The following LRRFIP1 variants were observed in gnomAD, a reference collection of about 807,000 sequenced individuals.
LRRFIP1 encodes the protein LRR binding FLII interacting protein 1, also known as leucine-rich repeat flightless-interacting protein 1.
A neutral mutation model predicts 104.4 loss-of-function variants in LRRFIP1; 62 were observed. The ratio of observed to expected loss-of-function variants is 0.59; its 90% CI spans 0.48 to 0.73. The LOEUF (loss-of-function observed/expected upper bound fraction) is 0.73. LRRFIP1 is among the 30% of genes least tolerant of loss of function. LRRFIP1 has a pLI of 0.00. For synonymous variants in LRRFIP1, 300 were observed against 299.0 expected (o/e 1.00, Z -0.03); for missense variants, 796 against 824.5 (o/e 0.97, Z 0.42).
intron 19 of LRRFIP1, chr2:237,769,238 A>C (rs1421334019): frequency 6.6e-6 from 1 of 152,378 alleles, no homozygotes; most frequent in African/African-American, 2.4e-5. Context: ...CCAAACCTCT[A>C]AACCCTCCCC....
In LRRFIP1 at chr2:237,707,461, G is replaced by GAA. The variant is rs112902148; in HGVS notation, c.97-1070_97-1069dup. On this transcript the variant is annotated intron_variant, in intron 1 of 23. Coordinates refer to ENST00000308482, the MANE Select transcript of LRRFIP1 (RefSeq NM_001137550.2). ...CAAGACCTCATCCCCAAAGGAAAAA[G>GAA]AAAAAAAAAAAAAAGGAAGAAAAAA... 5.9e-4 allele frequency among the ~76,000 whole-genome samples: 49 copies of GAA among 82,556 alleles called. 1 individual carries two copies. The highest frequency in any genetic ancestry group is 1.6e-3 in the African/African-American group (46 of 28,172). 54.2% of individuals were successfully genotyped at this position (82,556 alleles called of 152,430 possible).
intron 1 of LRRFIP1, among the ~76,000 whole-genome samples, chr2:237,639,041 C>T (rs989584774): frequency 5.3e-5 from 8 of 152,152 alleles, no homozygotes; most frequent in Non-Finnish European, 1.2e-4. Flanking sequence ...TCGTGTGGGG[C>T]AGTCATGGTA....
chr2:237,693,058 G>A (rs1218934380), intron 1 of LRRFIP1, among the ~76,000 whole-genome samples: 2 of 152,248 alleles, frequency 1.3e-5, no homozygotes, highest in Admixed American at 6.5e-5. Flanking sequence ...ACAGGATCCT[G>A]CCTCTAGGAT....
At chr2:237,774,721 G>A (rs548441324) in intron 23 of LRRFIP1, among the ~76,000 whole-genome samples, 5 of 152,356 alleles carry the variant, frequency 3.3e-5, no homozygotes, top group African/African-American at 7.2e-5. Context: ...GTCCGTAAAC[G>A]TCAAGAGAAT....
rs573062333 is a variant in LRRFIP1, at chr2:237,760,339, C to T, written c.1459+134C>T. The T allele has an allele frequency of 5.7e-6, 6 of 1,054,828 alleles. No individual in the cohort carries two copies. The African/African-American group carries it at 8.0e-5, about 14-fold the overall frequency. 65.3% of individuals were successfully genotyped at this position (1,054,828 alleles called of 1,614,324 possible). On this transcript the variant is annotated intron_variant, in intron 19 of 23. Transcript: ENST00000308482. Reference sequence around the variant, plus strand: ...CAGCATGCCATTTGTTTCATCACTTCATGGTAATTTCCTTGCCCACCCGGT... The same window carrying T: ...CAGCATGCCATTTGTTTCATCACTTTATGGTAATTTCCTTGCCCACCCGGT...
chr2:237,665,992 AG>A (rs1356695952), intron 1 of LRRFIP1, among the ~76,000 whole-genome samples: 1 of 152,208 alleles, frequency 6.6e-6, no homozygotes, highest in Non-Finnish European at 1.5e-5. Flanking sequence ...GGCCTTCCCC[AG>A]GGGCGTCCCC....
rs1403996961 is a variant in LRRFIP1 at position 237,649,734 on chromosome 2, C to T, written c.96+21994C>T. Among the ~76,000 whole-genome samples, 1 of 151,984 alleles carries T rather than the reference C, an allele frequency of 6.6e-6. No homozygotes were observed. Among genetic ancestry groups the T allele is most frequent in the Admixed American group, 6.5e-5 (1 of 15,272 alleles). The stretch of plus-strand genomic sequence containing the variant: ...CGCCTCCTCTCTCCCTGCCGCGGTT[C>T]GGAAGCTCCACGGGGGCCAGTGTTG... On this transcript the variant is annotated intron_variant, in intron 1 of 23. Coordinates refer to ENST00000308482, the MANE Select transcript of LRRFIP1 (RefSeq NM_001137550.2). The surrounding 1 kb of genome is among the most constrained non-coding windows in gnomAD (Gnocchi z 4.1).
Position 237,669,673 on chromosome 2 carries a change from G to C in LRRFIP1, c.97-38871G>C, listed in dbSNP as rs144797307. Among the ~76,000 whole-genome samples, 512 of 152,258 alleles carry C rather than the reference G, an allele frequency of 3.4e-3. 2 individuals carry two copies. The highest frequency in any genetic ancestry group is 5.6e-3 in the Non-Finnish European group (379 of 68,018). ...GATGTTGAGGCCGTCACGGTTTGTT[G>C]AGCAGAGGAGTGAGTGCTAAAAGCT... On this transcript the variant is annotated intron_variant, in intron 1 of 23. Transcript: ENST00000308482.
chr2:237,627,908 C>T (rs904830534), intron 1 of LRRFIP1, among the ~76,000 whole-genome samples, 168 bp downstream of exon 1: 1 of 150,672 alleles, frequency 6.6e-6, no homozygotes, highest in African/African-American at 2.4e-5. Context: ...GATCCCCAGG[C>T]GCTGCGCCCC....
intron 1 of LRRFIP1, among the ~76,000 whole-genome samples, chr2:237,697,097 C>G (rs576675005): frequency 6.6e-6 from 1 of 152,332 alleles, no homozygotes; most frequent in South Asian, 2.1e-4. Context: ...TCTCAGCTCA[C>G]TGCAACCTCC....
intron 18 of LRRFIP1, 112 bp from the exon 19 acceptor site, chr2:237,759,952 A>G: frequency 1.1e-6 from 1 of 891,450 alleles, no homozygotes; most frequent in Non-Finnish European, 1.7e-6. Flanking sequence ...GTCTCTGTGG[A>G]GTTACCCTGT....
At chr2:237,718,688 C>T (rs946185560) in intron 4 of LRRFIP1, among the ~76,000 whole-genome samples, 6 of 152,126 alleles carry the variant, frequency 3.9e-5, no homozygotes, top group Admixed American at 3.3e-4. Context: ...ATGGAAATGT[C>T]CTATTAAATG....
intron 1 of LRRFIP1, among the ~76,000 whole-genome samples, chr2:237,684,724 A>G (rs1331218128): frequency 6.6e-6 from 1 of 152,154 alleles, no homozygotes; most frequent in African/African-American, 2.4e-5. Context: ...TGAGAAATAC[A>G]TAATGGATTT....
intron 19 of LRRFIP1, chr2:237,765,480 C>T (rs2060202719): frequency 2.2e-6 from 1 of 460,038 alleles, no homozygotes; most frequent in Non-Finnish European, 2.8e-6. Flanking sequence ...CCTTAAAATA[C>T]TTTGTTTGAA....
intron 1 of LRRFIP1, among the ~76,000 whole-genome samples, chr2:237,673,488 C>T (rs79660215): frequency 0.011 from 1,658 of 152,350 alleles, 35 homozygotes; most frequent in African/African-American, 0.038. Flanking sequence ...ACATCCAGTG[C>T]CGCGCGTGGC....
At chr2:237,708,400 C>T (rs560606184) in intron 1 of LRRFIP1, 144 bp from the exon 2 acceptor site, 12 of 615,254 alleles carry the variant, frequency 2.0e-5, no homozygotes, top group Non-Finnish European at 3.5e-5. Flanking sequence ...TCCTGACCAC[C>T]CTTTTACTCT....
chr2:237,678,642 A>G (rs1023639904), intron 1 of LRRFIP1, among the ~76,000 whole-genome samples: 2 of 151,854 alleles, frequency 1.3e-5, no homozygotes, highest in African/African-American at 4.8e-5. Flanking sequence ...AGTAGCTGGG[A>G]TTATAGGCAC....
chr2:237,756,142 T>G lies in LRRFIP1; in HGVS notation c.1086T>G (p.Phe362Leu), dbSNP rs754671642. 4.3e-6 allele frequency: 7 copies of G among 1,614,144 alleles called. No homozygotes were observed. The Admixed American group carries it at 1.2e-4, about 27-fold the overall frequency. ...KHAHSILQFQ[F>L]AEVKEALKQR... ...CCCACAGTATACTGCAATTTCAGTTTGCTGAAGTCAAGGAGGCCCTGAAGC... is the reference window on the plus strand; with the variant it reads ...CCCACAGTATACTGCAATTTCAGTTGGCTGAAGTCAAGGAGGCCCTGAAGC... The change falls in exon 16 of 24, where the codon TTT (phenylalanine) becomes TTG (leucine). Residue 362 changes from phenylalanine (F) to leucine (L), a missense_variant. Transcript: ENST00000308482.
intron 19 of LRRFIP1, among the ~76,000 whole-genome samples, chr2:237,760,693 G>T (rs1015874294): frequency 1.2e-4 from 18 of 152,180 alleles, no homozygotes; most frequent in African/African-American, 4.3e-4. Flanking sequence ...AGGGTACGGG[G>T]TGCCTGTGGA....
Sources: gnomAD v4.1 joint callset for allele counts (sites outside exome capture counted in the v4.1 genomes callset) on GRCh38, gnomAD v4.1.1 for gene constraint, Gnocchi (gnomAD v3.1) non-coding constraint, MANE v1.5 for transcripts, NCBI Gene and HGNC (gene_info 2026-07-23, HGNC 2026-07-21) for gene names.